The following KRABD2 variants were observed in gnomAD, a reference collection of about 807,000 sequenced individuals.
The protein encoded by KRABD2 is KRAB domain-containing protein 2.
chr17:8,373,733 C>T, the KRABD2 span: 6 of 168,370 alleles, frequency 3.6e-5, no homozygotes, highest in South Asian at 7.8e-4. Flanking sequence ...TGAGGAGGGT[C>T]TCTGCCCAGC....
the KRABD2 span, among the ~76,000 whole-genome samples, chr17:8,372,918 AAAAG>A: frequency 1.3e-5 from 2 of 152,238 alleles, no homozygotes; most frequent in Non-Finnish European, 1.5e-5. The surrounding 1 kb of genome is among the most constrained non-coding windows in gnomAD (Gnocchi z 4.1). Flanking sequence ...AAAAAGAAAA[AAAAG>A]AATGAAGGCA....
At chr17:8,367,665 A>T in the KRABD2 span, among the ~76,000 whole-genome samples, 1 of 149,614 alleles carries the variant, frequency 6.7e-6, no homozygotes, top group African/African-American at 2.4e-5. Flanking sequence ...CCTGTCTCAA[A>T]AAAAAAAAAA....
At chr17:8,362,076 C>T in the KRABD2 span, among the ~76,000 whole-genome samples, 1 of 150,604 alleles carries the variant, frequency 6.6e-6, no homozygotes, top group African/African-American at 2.5e-5. The surrounding 1 kb of genome is among the most constrained non-coding windows in gnomAD (Gnocchi z 4.2). Context: ...CCTGTAATCC[C>T]AGCACTTTGG....
chr17:8,374,017 C>T, the KRABD2 span, among the ~76,000 whole-genome samples: 2 of 151,764 alleles, frequency 1.3e-5, no homozygotes, highest in Non-Finnish European at 2.9e-5. Flanking sequence ...CCCTGCCTGG[C>T]CAGCCGCCCC....
At chr17:8,364,015 C>T in the KRABD2 span, among the ~76,000 whole-genome samples, 2 of 151,614 alleles carry the variant, frequency 1.3e-5, no homozygotes, top group East Asian at 2.0e-4. The surrounding 1 kb of genome is among the most constrained non-coding windows in gnomAD (Gnocchi z 4.4). Context: ...ATTACAGGCG[C>T]CTGCCACCAC....
the KRABD2 span, among the ~76,000 whole-genome samples, chr17:8,372,799 C>G: frequency 2.0e-5 from 3 of 152,178 alleles, no homozygotes; most frequent in African/African-American, 7.2e-5. The surrounding 1 kb of genome is among the most constrained non-coding windows in gnomAD (Gnocchi z 4.1). Context: ...CATGGTGGCT[C>G]ATGCCTGTAA....
At chr17:8,371,640 A>T in the KRABD2 span, 1 of 1,421,938 alleles carries the variant, frequency 7.0e-7, no homozygotes, top group Non-Finnish European at 9.2e-7. Flanking sequence ...GAGGGAAAGG[A>T]GTTTTGCTTT....
chr17:8,376,137 T>C, the KRABD2 span: 21 of 1,231,740 alleles, frequency 1.7e-5, no homozygotes, highest in African/African-American at 3.1e-4. Context: ...TCTACCTGCC[T>C]GTACCCCCTT....
chr17:8,370,971 A>C, the KRABD2 span, among the ~76,000 whole-genome samples: 1,645 of 152,152 alleles, frequency 0.011, 32 homozygotes, highest in African/African-American at 0.037. Context: ...GAGTTCAAGA[A>C]CAGCCTGGCC....
chr17:8,365,918 G>A, the KRABD2 span, among the ~76,000 whole-genome samples: 1 of 152,118 alleles, frequency 6.6e-6, no homozygotes, highest in Non-Finnish European at 1.5e-5. Context: ...ATGAGGTCAG[G>A]CATTCGAGAC....
chr17:8,373,700 C>T, the KRABD2 span: 8 of 162,696 alleles, frequency 4.9e-5, no homozygotes, highest in South Asian at 7.5e-4. Context: ...AGCCTCTTCC[C>T]GGCCGCCATC....
At chr17:8,370,238 G>A in the KRABD2 span, 1 of 1,613,444 alleles carries the variant, frequency 6.2e-7, no homozygotes, top group Non-Finnish European at 8.5e-7. Flanking sequence ...CCTTGCTGTT[G>A]TAACTTTTGC....
chr17:8,362,751 C>T, the KRABD2 span, among the ~76,000 whole-genome samples: 5,063 of 152,304 alleles, frequency 0.033, 277 homozygotes, highest in African/African-American at 0.11. This position sits in a 1 kb window ranked among gnomAD's most constrained non-coding sequence, Gnocchi z 4.2. Flanking sequence ...GCTAAGAGCT[C>T]AGCCAGGGCC....
At chr17:8,375,581 G>A in the KRABD2 span, 6 of 151,410 alleles carry the variant, frequency 4.0e-5, no homozygotes, top group South Asian at 1.1e-3. Context: ...TGTCACCCAG[G>A]CTAGAGTACA....
the KRABD2 span, among the ~76,000 whole-genome samples, chr17:8,366,514 G>A: frequency 2.0e-5 from 3 of 152,180 alleles, no homozygotes; most frequent in Non-Finnish European, 2.9e-5. Context: ...AGTGGCAGAC[G>A]CATACCCAAA....
At chr17:8,365,248 T>C in the KRABD2 span, among the ~76,000 whole-genome samples, 1 of 152,056 alleles carries the variant, frequency 6.6e-6, no homozygotes, top group African/African-American at 2.4e-5. Context: ...CAGGCATCTC[T>C]GGGAAAGCAA....
chr17:8,369,517 G>A, the KRABD2 span: 35 of 1,613,944 alleles, frequency 2.2e-5, no homozygotes, highest in South Asian at 2.1e-4. Flanking sequence ...TTTACATCAC[G>A]GCTTGCTCCT....
chr17:8,371,386 C>T, the KRABD2 span: 914 of 1,614,078 alleles, frequency 5.7e-4, 3 homozygotes, highest in African/African-American at 0.01. Flanking sequence ...TAAATAATTC[C>T]AATCTTTGGT....
chr17:8,363,849 ATATATATATATATT>A, the KRABD2 span, among the ~76,000 whole-genome samples: 36 of 88,628 alleles, frequency 4.1e-4, no homozygotes, highest in Admixed American at 1.3e-3. Flanking sequence ...ATATATATAT[ATATATATATATATT>A]TATTTATTTA....
Sources: allele counts gnomAD v4.1 joint callset (sites outside exome capture counted in the v4.1 genomes callset), GRCh38; gene constraint gnomAD v4.1.1; non-coding constraint Gnocchi (gnomAD v3.1); transcripts MANE v1.5; gene names NCBI Gene and HGNC (gene_info 2026-07-23, HGNC 2026-07-21).